The following COL22A1 variants were observed in gnomAD, a reference collection of about 807,000 sequenced individuals.
COL22A1 encodes the protein collagen type XXII alpha 1 chain.
A neutral mutation model predicts 248.9 loss-of-function variants in COL22A1; 221 were observed. The ratio of observed to expected loss-of-function variants is 0.89; its 90% CI spans 0.80 to 0.99. The LOEUF (loss-of-function observed/expected upper bound fraction) is 0.99, where lower values mean the gene tolerates loss of function less well. COL22A1 is among the 50% of genes least tolerant of loss of function. The probability of loss-of-function intolerance (pLI) is 0.00; values close to 1 mark genes in which losing one functional copy is unlikely to be tolerated. For missense variants in COL22A1, 2,240 were observed against 2,179.0 expected (o/e 1.03, Z -0.56); for synonymous variants, 891 against 793.4 (o/e 1.12, Z -2.07).
At chr8:138,641,121 C>A (rs1821651695) in intron 47 of COL22A1, among the ~76,000 whole-genome samples, 1 of 152,226 alleles carries the variant, frequency 6.6e-6, no homozygotes, top group Admixed American at 6.5e-5. Context: ...TGGTGAGAAT[C>A]TTTCAGAACC....
intron 31 of COL22A1, among the ~76,000 whole-genome samples, chr8:138,702,280 C>A (rs1477843604): frequency 6.6e-6 from 1 of 152,170 alleles, no homozygotes; most frequent in Non-Finnish European, 1.5e-5. Context: ...ATGACTAATT[C>A]CGACTCTAAA....
At chr8:138,834,947 A>G (rs6996369) in intron 4 of COL22A1, among the ~76,000 whole-genome samples, 83,361 of 152,022 alleles carry the variant, frequency 0.55, 23,468 homozygotes, top group East Asian at 0.67. Flanking sequence ...CAGAAATAAG[A>G]AAATGCACAG....
chr8:138,834,974 A>G (rs1011604156), intron 4 of COL22A1, among the ~76,000 whole-genome samples: 1 of 152,180 alleles, frequency 6.6e-6, no homozygotes, highest in African/African-American at 2.4e-5. Context: ...TGTGCAATAC[A>G]ATTCCAGGCA....
chr8:138,705,147 T>A (rs1586514358), intron 30 of COL22A1, among the ~76,000 whole-genome samples: 1 of 152,334 alleles, frequency 6.6e-6, no homozygotes. Context: ...AGACCAAATC[T>A]ACACCTGATT....
At chr8:138,652,666 C>T (rs1165768151) in intron 45 of COL22A1, among the ~76,000 whole-genome samples, 1 of 143,876 alleles carries the variant, frequency 7.0e-6, no homozygotes, top group Non-Finnish European at 1.5e-5. Context: ...TGTATGTAAT[C>T]TATTAATGTT....
At chr8:138,736,987 T>A (rs979065704) in intron 23 of COL22A1, among the ~76,000 whole-genome samples, 4 of 152,100 alleles carry the variant, frequency 2.6e-5, no homozygotes, top group Non-Finnish European at 5.9e-5. Flanking sequence ...CTGTGGCTGA[T>A]CCCCTTACAA....
At chr8:138,697,177 G>T (rs1827573142) in intron 32 of COL22A1, among the ~76,000 whole-genome samples, 1 of 152,106 alleles carries the variant, frequency 6.6e-6, no homozygotes, top group Admixed American at 6.5e-5. Flanking sequence ...CCCCTGGAAG[G>T]GCTCTGTCAG....
At chr8:138,663,655 G>A (rs770609284) in intron 42 of COL22A1, 50 bp downstream of exon 42, 6 of 1,387,382 alleles carry the variant, frequency 4.3e-6, no homozygotes, top group African/African-American at 1.4e-5. Flanking sequence ...TTTGATTCGA[G>A]CAGGATTCCT....
At chr8:138,652,735 GT>G (rs71316352) in intron 45 of COL22A1, among the ~76,000 whole-genome samples, 92 of 54,264 alleles carry the variant, frequency 1.7e-3, no homozygotes, top group African/African-American at 2.6e-3. Flanking sequence ...TCCTTTTCTG[GT>G]TTTTTTTTTT....
chr8:138,900,055 G>A (rs770286439), intron 1 of COL22A1, among the ~76,000 whole-genome samples: 10 of 152,092 alleles, frequency 6.6e-5, no homozygotes, highest in Admixed American at 3.9e-4. Flanking sequence ...CTTCAGAAGG[G>A]GCTAGCAAAA....
rs146953668 is a variant in COL22A1 at position 138,730,170 on chromosome 8, C to A, written c.2140-4730G>T. On this transcript the variant is annotated intron_variant, in intron 23 of 64. Coordinates refer to ENST00000303045, the MANE Select transcript of COL22A1 (RefSeq NM_152888.3). ...CCCCTGGACAGTATCTGTCTCCCTG[C>A]CCATGTGCAGGTCCCTGCACTCAGG... is the stretch of plus-strand genomic sequence containing the variant. Among the ~76,000 whole-genome samples, 6 of 152,340 alleles carry A rather than the reference C, an allele frequency of 3.9e-5. No individual in the cohort carries two copies. The East Asian group carries it at 1.2e-3, about 29-fold the overall frequency.
At chr8:138,672,958 C>T (rs1394196889) in intron 41 of COL22A1, among the ~76,000 whole-genome samples, 1 of 152,204 alleles carries the variant, frequency 6.6e-6, no homozygotes, top group African/African-American at 2.4e-5. Context: ...GCAACTTAAA[C>T]ATTGCTAAGG....
At chr8:138,881,194 T>G (rs1277716421) in intron 2 of COL22A1, among the ~76,000 whole-genome samples, 1 of 151,450 alleles carries the variant, frequency 6.6e-6, no homozygotes, top group South Asian at 2.1e-4. Context: ...GGCTGTGCAT[T>G]TGGGGTTGGC....
At chr8:138,842,795 T>C (rs989153852) in intron 4 of COL22A1, among the ~76,000 whole-genome samples, 10 of 152,160 alleles carry the variant, frequency 6.6e-5, no homozygotes, top group Admixed American at 2.6e-4. Context: ...ATTAGACAAA[T>C]AAACCCTGAC....
At chr8:138,867,741 A>C (rs1286044111) in intron 3 of COL22A1, among the ~76,000 whole-genome samples, 1 of 152,134 alleles carries the variant, frequency 6.6e-6, no homozygotes, top group Admixed American at 6.6e-5. Flanking sequence ...GAGAGTAGGT[A>C]GTATTATTAT....
At chr8:138,775,926 T>C (rs1432959593) in intron 16 of COL22A1, 40 bp downstream of exon 16, 10 of 1,600,808 alleles carry the variant, frequency 6.2e-6, no homozygotes, top group Non-Finnish European at 8.6e-6. Flanking sequence ...CCCTTTTCTA[T>C]GGAAAGCCGT....
chr8:138,908,887 A>C (rs1815221661), intron 1 of COL22A1, among the ~76,000 whole-genome samples: 1 of 152,204 alleles, frequency 6.6e-6, no homozygotes, highest in African/African-American at 2.4e-5. Flanking sequence ...AAAAATTTTA[A>C]ACCAGACATC....
Position 138,685,188 on chromosome 8 carries a change from A to T in COL22A1, c.2967+20T>A. The T allele has an allele frequency of 1.4e-5, 22 of 1,517,428 alleles. 1 individual carries two copies. Among genetic ancestry groups the T allele is most frequent in the Non-Finnish European group, 1.9e-5 (21 of 1,099,294 alleles). The allele number at this position is 1,517,428 out of a possible 1,614,324, so 94.0% of individuals were successfully genotyped here. On this transcript the variant is annotated intron_variant, in intron 38 of 64. Transcript: ENST00000303045. The stretch of plus-strand genomic sequence containing the variant: ...TCACCTGGTTTCTACAGGCACTGGG[A>T]CCCCCGACCTTCCACTTACCGGCTC...
chr8:138,757,827 A>G (rs1833145617), intron 18 of COL22A1, among the ~76,000 whole-genome samples: 2 of 152,210 alleles, frequency 1.3e-5, no homozygotes, highest in Non-Finnish European at 2.9e-5. Flanking sequence ...TCTTCCCACA[A>G]TATGGGTGAC....
Sources: allele counts gnomAD v4.1 joint callset (sites outside exome capture counted in the v4.1 genomes callset), GRCh38; gene constraint gnomAD v4.1.1; transcripts MANE v1.5; gene names NCBI Gene and HGNC (gene_info 2026-07-23, HGNC 2026-07-21).